ADAM18: variants seen among roughly 807,000 people sequenced by gnomAD.
ADAM18 encodes disintegrin and metalloproteinase domain-containing protein 18.
ADAM18 carries 117 observed loss-of-function variants against 94.4 expected under a neutral mutation model. The ratio of observed to expected loss-of-function variants is 1.24; its 90% confidence interval spans 1.07 to 1.45. The LOEUF is 1.45. Ranked by LOEUF, ADAM18 falls within the 40% of genes most tolerant of loss-of-function variation. The pLI is 0.00. For synonymous variants in ADAM18, 327 were observed against 291.6 expected (o/e 1.12, Z -1.24); for missense variants, 936 against 880.0 (o/e 1.06, Z -0.81).
chr8:39,629,102 C>G (rs897617429), intron 6 of ADAM18, among the ~76,000 whole-genome samples: 6 of 151,748 alleles, frequency 4.0e-5, no homozygotes, highest in Non-Finnish European at 8.8e-5. Flanking sequence ...CAGATGAAGA[C>G]AGCATAAGGT....
chr8:39,602,618 T>C (rs1376324085), intron 2 of ADAM18, among the ~76,000 whole-genome samples: 1 of 152,200 alleles, frequency 6.6e-6, no homozygotes, highest in Non-Finnish European at 1.5e-5. Flanking sequence ...ATATCTTCTT[T>C]GTAAGATTCA....
intron 19 of ADAM18, among the ~76,000 whole-genome samples, chr8:39,726,095 T>C (rs1358455656): frequency 1.3e-5 from 2 of 152,118 alleles, no homozygotes; most frequent in African/African-American, 2.4e-5. Context: ...TAATATCTCA[T>C]AGTGGTCTTC....
At chr8:39,593,083 T>C (rs940164075) in intron 2 of ADAM18, among the ~76,000 whole-genome samples, 1 of 152,208 alleles carries the variant, frequency 6.6e-6, no homozygotes, top group African/African-American at 2.4e-5. Context: ...TGAACCAACC[T>C]CTGTTAGCTT....
chr8:39,634,592 T>C (rs1225548788), intron 7 of ADAM18, among the ~76,000 whole-genome samples: 1 of 152,150 alleles, frequency 6.6e-6, no homozygotes, highest in African/African-American at 2.4e-5. Flanking sequence ...TAATATTGTT[T>C]GCTCTGTTGG....
chr8:39,648,181 A>C (rs1820436848), intron 11 of ADAM18, among the ~76,000 whole-genome samples, 163 bp from the exon 12 acceptor site: 1 of 152,236 alleles, frequency 6.6e-6, no homozygotes. Flanking sequence ...GAGAATGTTA[A>C]AGATAAGCAA....
Position 39,637,567 on chromosome 8 carries a change from C to T in ADAM18, c.691C>T (p.Leu231=). 1 of 1,612,246 alleles carries T rather than the reference C, an allele frequency of 6.2e-7. No homozygotes were observed. The highest frequency in any genetic ancestry group is 8.5e-7 in the Non-Finnish European group (1 of 1,178,964). ...MFTQFKLTVI[L]SSLELWSNEN... ...TACCCAGTTCAAATTGACTGTTATA[C>T]TGTCTTCCTTGGAATTGTGGTCAAA... The change falls in exon 9 of 20, where the codon CTG becomes TTG. Residue 231 remains leucine (L), a synonymous_variant. Transcript: ENST00000265707.
At chr8:39,634,119 G>A (rs1820008936) in intron 7 of ADAM18, among the ~76,000 whole-genome samples, 1 of 152,126 alleles carries the variant, frequency 6.6e-6, no homozygotes, top group Non-Finnish European at 1.5e-5. Context: ...TCAGGTCTAA[G>A]ATCCTTTCAT....
intron 14 of ADAM18, among the ~76,000 whole-genome samples, chr8:39,672,812 G>T (rs1821191557): frequency 6.6e-6 from 1 of 152,190 alleles, no homozygotes; most frequent in African/African-American, 2.4e-5. Context: ...AGTGGACACA[G>T]ACTGCATTGA....
intron 15 of ADAM18, among the ~76,000 whole-genome samples, chr8:39,678,684 C>T (rs1280241308): frequency 6.6e-6 from 1 of 152,040 alleles, no homozygotes; most frequent in Non-Finnish European, 1.5e-5. Flanking sequence ...CATCTGCTGC[C>T]TTTAATTTAA....
intron 14 of ADAM18, among the ~76,000 whole-genome samples, chr8:39,668,672 G>C (rs1466814899): frequency 6.6e-6 from 1 of 152,068 alleles, no homozygotes; most frequent in African/African-American, 2.4e-5. Context: ...TTTTCAAACA[G>C]CTTTGAGAGT....
chr8:39,682,559 A>G (rs1247752747), intron 16 of ADAM18, among the ~76,000 whole-genome samples: 1 of 152,184 alleles, frequency 6.6e-6, no homozygotes, highest in Non-Finnish European at 1.5e-5. Flanking sequence ...CTTGAAACCC[A>G]AACAAGGAAC....
chr8:39,710,113 G>A (rs530983968), intron 18 of ADAM18, among the ~76,000 whole-genome samples: 59 of 152,180 alleles, frequency 3.9e-4, no homozygotes, highest in African/African-American at 1.3e-3. Flanking sequence ...AGTGAGATGA[G>A]ATAAAAACAC....
intron 14 of ADAM18, among the ~76,000 whole-genome samples, chr8:39,675,550 C>G (rs1821277134): frequency 6.6e-6 from 1 of 152,162 alleles, no homozygotes; most frequent in African/African-American, 2.4e-5. Context: ...TTTTTAGCTT[C>G]CTTGTGATGG....
chr8:39,592,557 A>T (rs1007050711), intron 2 of ADAM18, among the ~76,000 whole-genome samples: 8 of 152,322 alleles, frequency 5.3e-5, no homozygotes, highest in African/African-American at 1.9e-4. Flanking sequence ...GAGGAACTGG[A>T]GGCCATTATC....
At chr8:39,664,313 A>T (rs1343291681) in intron 13 of ADAM18, among the ~76,000 whole-genome samples, 1 of 152,176 alleles carries the variant, frequency 6.6e-6, no homozygotes, top group African/African-American at 2.4e-5. Context: ...TAGCATTTAT[A>T]TTGTATTAGG....
Position 39,637,697 on chromosome 8 carries a change from TA to T in ADAM18, c.822del (p.Leu274PhefsTer35). On this transcript the variant is annotated frameshift_variant, in exon 9 of 20. Transcript: ENST00000265707. LOFTEE classifies it high-confidence loss of function. ...LILRPHDIAY[L>X]LVYRKHPKYV... ...CTACGGCCCCATGACATAGCATACT[TA>T]CTTGTGTAAGCACAATGTTCTACAT... 1.9e-6 allele frequency: 3 copies of T among 1,599,552 alleles called. No homozygotes were observed. The highest frequency in any genetic ancestry group is 2.6e-6 in the Non-Finnish European group (3 of 1,173,894).
At chr8:39,663,625 A>AAAAG (rs1563296701) in intron 12 of ADAM18, among the ~76,000 whole-genome samples, 170 bp from the exon 13 acceptor site, 1 of 149,150 alleles carries the variant, frequency 6.7e-6, no homozygotes, top group African/African-American at 2.5e-5. Flanking sequence ...AAAAAAAAAA[A>AAAAG]AAGAAGAAGA....
chr8:39,589,210 A>G (rs1032479047), intron 2 of ADAM18, among the ~76,000 whole-genome samples: 1 of 152,164 alleles, frequency 6.6e-6, no homozygotes, highest in African/African-American at 2.4e-5. Flanking sequence ...TTCCAAGTCT[A>G]GCTGATAGTG....
chr8:39,587,204 AC>A (rs929646567), intron 2 of ADAM18, among the ~76,000 whole-genome samples: 3 of 152,160 alleles, frequency 2.0e-5, no homozygotes, highest in African/African-American at 7.2e-5. Context: ...GTCCTTGCAT[AC>A]TTTTGTTTTG....
Sources: gnomAD v4.1 joint callset for allele counts (sites outside exome capture counted in the v4.1 genomes callset) on GRCh38, gnomAD v4.1.1 for gene constraint, MANE v1.5 for transcripts, NCBI Gene and HGNC (gene_info 2026-07-23, HGNC 2026-07-21) for gene names.